Variants in PTPRM observed in about 807,000 individuals in gnomAD.
PTPRM encodes receptor-type tyrosine-protein phosphatase mu.
A neutral mutation model predicts 186.7 loss-of-function variants in PTPRM; 47 were observed. That is an observed-to-expected ratio of 0.25 (90% CI 0.20 to 0.32). The LOEUF is 0.32. PTPRM is among the 10% of genes least tolerant of loss of function. PTPRM has a pLI of 1.00. For synonymous variants in PTPRM, 668 were observed against 674.9 expected, an observed-to-expected ratio of 0.99 and a Z score of 0.16; for missense variants, 1,494 against 1,865.0, an observed-to-expected ratio of 0.80 and a Z score of 3.66.
intron 1 of PTPRM, among the ~76,000 whole-genome samples, chr18:7,666,470 T>G (rs1051764906): frequency 6.6e-6 from 1 of 152,238 alleles, no homozygotes; most frequent in Non-Finnish European, 1.5e-5. Context: ...CACCCTTATG[T>G]CTTAGCTAAC....
At chr18:7,896,773 G>A (rs569258631) in intron 3 of PTPRM, among the ~76,000 whole-genome samples, 1 of 152,298 alleles carries the variant, frequency 6.6e-6, no homozygotes, top group East Asian at 1.9e-4. Flanking sequence ...AACTTGTACT[G>A]GGGAGAGGGG....
At chr18:7,617,395 A>G (rs1241531905) in intron 1 of PTPRM, among the ~76,000 whole-genome samples, 2 of 152,122 alleles carry the variant, frequency 1.3e-5, no homozygotes. Context: ...ACCATTATAC[A>G]TTGCAGAAGT....
intron 23 of PTPRM, among the ~76,000 whole-genome samples, chr18:8,346,946 T>A (rs1365235193): frequency 6.6e-6 from 1 of 152,186 alleles, no homozygotes; most frequent in Non-Finnish European, 1.5e-5. Flanking sequence ...CTCGCCATAG[T>A]GTCACGGAGC....
intron 1 of PTPRM, among the ~76,000 whole-genome samples, chr18:7,571,656 G>A (rs1036813704): frequency 6.6e-6 from 1 of 152,136 alleles, no homozygotes; most frequent in African/African-American, 2.4e-5. Context: ...TGTGAATTTG[G>A]GACTCGTGGA....
At chr18:8,360,489 G>A (rs746943490) in intron 23 of PTPRM, among the ~76,000 whole-genome samples, 4 of 152,198 alleles carry the variant, frequency 2.6e-5, no homozygotes, top group Non-Finnish European at 4.4e-5. Context: ...GACAAGGAAC[G>A]TGCATTTGGG....
chr18:8,110,078 T>C (rs1254190827), intron 11 of PTPRM, among the ~76,000 whole-genome samples: 1 of 152,166 alleles, frequency 6.6e-6, no homozygotes, highest in East Asian at 1.9e-4. Context: ...TCCTGGTACA[T>C]AGAATGTGTA....
intron 7 of PTPRM, among the ~76,000 whole-genome samples, chr18:7,990,462 G>T (rs1419360202): frequency 6.6e-6 from 1 of 152,074 alleles, no homozygotes; most frequent in Admixed American, 6.6e-5. Flanking sequence ...TGTACTAAAT[G>T]GTTTCAATGA....
chr18:8,249,526 T>A lies in PTPRM; in HGVS notation c.2554+1350T>A, dbSNP rs565726468. Among the ~76,000 whole-genome samples the A allele has an allele frequency of 1.9e-4, 29 of 152,300 alleles. No homozygotes were observed. The South Asian group carries it at 2.3e-3, about 12-fold the overall frequency. On this transcript the variant is annotated intron_variant, in intron 17 of 32. Transcript: ENST00000580170. ...CAATGTAATCTACATACAAATGACATTTGCAGAATCTTTTGATAGGCGAAG... is the reference window on the plus strand; with the variant it reads ...CAATGTAATCTACATACAAATGACAATTGCAGAATCTTTTGATAGGCGAAG...
chr18:8,268,334 A>G lies in PTPRM; in HGVS notation c.2754+14920A>G, dbSNP rs114204606. Among the ~76,000 whole-genome samples, 1,076 of 152,256 alleles carry G rather than the reference A, an allele frequency of 7.1e-3. 12 individuals carry two copies. Among genetic ancestry groups the G allele is most frequent in the African/African-American group, 0.024 (1,018 of 41,584 alleles). Reference sequence around the variant, plus strand: ...AGATTAAAGTATGCCAACTAATTGGATAACCTAGAAGAACTGGGTAAATTC... The same window carrying G: ...AGATTAAAGTATGCCAACTAATTGGGTAACCTAGAAGAACTGGGTAAATTC... On this transcript the variant is annotated intron_variant, in intron 19 of 32. Transcript: ENST00000580170.
chr18:8,339,931 T>C (rs2095464401), intron 22 of PTPRM, among the ~76,000 whole-genome samples: 1 of 152,054 alleles, frequency 6.6e-6, no homozygotes, highest in South Asian at 2.1e-4. Flanking sequence ...ACAGGATTGA[T>C]ACATTCTGCA....
chr18:7,983,127 G>T (rs1486082318), intron 7 of PTPRM, among the ~76,000 whole-genome samples: 1 of 151,998 alleles, frequency 6.6e-6, no homozygotes, highest in East Asian at 1.9e-4. Context: ...CCCCCTGACT[G>T]CCAACCAGGT....
At chr18:8,373,341 C>T (rs748837267) in intron 24 of PTPRM, among the ~76,000 whole-genome samples, 3 of 152,178 alleles carry the variant, frequency 2.0e-5, no homozygotes, top group Admixed American at 6.5e-5. Context: ...CAAGCAGATG[C>T]AATGCACTTT....
chr18:8,266,295 G>A (rs564712340), intron 19 of PTPRM, among the ~76,000 whole-genome samples: 1 of 147,418 alleles, frequency 6.8e-6, no homozygotes. Context: ...GGGCAACCCC[G>A]CTTGGGTCCC....
intron 13 of PTPRM, among the ~76,000 whole-genome samples, chr18:8,125,084 C>T (rs191967097): frequency 6.6e-6 from 1 of 151,884 alleles, no homozygotes; most frequent in East Asian, 1.9e-4. Context: ...TAGGACTGTG[C>T]CAGGCATGAT....
At chr18:8,011,835 G>A (rs2084548355) in intron 7 of PTPRM, among the ~76,000 whole-genome samples, 1 of 152,202 alleles carries the variant, frequency 6.6e-6, no homozygotes, top group African/African-American at 2.4e-5. Context: ...GTGCCTTTTA[G>A]AAGGGATCCC....
chr18:8,288,406 G>C (rs975636066), intron 19 of PTPRM, among the ~76,000 whole-genome samples: 7 of 152,142 alleles, frequency 4.6e-5, no homozygotes, highest in African/African-American at 1.7e-4. Flanking sequence ...TTATTAAACT[G>C]TTTTTTAGGG....
chr18:7,720,928 C>T (rs1201835396), intron 1 of PTPRM, among the ~76,000 whole-genome samples: 1 of 152,070 alleles, frequency 6.6e-6, no homozygotes, highest in Non-Finnish European at 1.5e-5. Context: ...AATGATTCTG[C>T]AATGAACATG....
intron 1 of PTPRM, among the ~76,000 whole-genome samples, chr18:7,714,570 G>A (rs2040283118): frequency 6.6e-6 from 1 of 152,030 alleles, no homozygotes. Context: ...AAAAATAAAT[G>A]AATCCAGGAT....
chr18:8,048,711 A>G (rs894426573), intron 7 of PTPRM, among the ~76,000 whole-genome samples: 1 of 152,208 alleles, frequency 6.6e-6, no homozygotes, highest in Non-Finnish European at 1.5e-5. Flanking sequence ...TTCAAATAGA[A>G]AACTATCTAA....
Sources: allele counts gnomAD v4.1 joint callset (sites outside exome capture counted in the v4.1 genomes callset), GRCh38; gene constraint gnomAD v4.1.1; transcripts MANE v1.5; gene names NCBI Gene and HGNC (gene_info 2026-07-23, HGNC 2026-07-21).